STXBP5: variants seen among roughly 807,000 people sequenced by gnomAD.
STXBP5 encodes syntaxin binding protein 5.
In STXBP5, 50 loss-of-function variants were observed where a neutral mutation model predicts 152.4. The ratio of observed to expected loss-of-function variants is 0.33; its 90% confidence interval spans 0.26 to 0.42. The LOEUF is 0.42. Ranked by LOEUF, STXBP5 falls within the 10% of genes least tolerant of loss-of-function variation. The pLI, the probability that STXBP5 is intolerant of heterozygous loss-of-function variation, is 1.00. For missense variants in STXBP5, 1,167 were observed against 1,388.6 expected (o/e 0.84, Z 2.54); for synonymous variants, 492 against 494.7 (o/e 0.99, Z 0.07).
Position 147,353,374 on chromosome 6 carries a change from G to T in STXBP5, c.2305+1G>T. 1.3e-6 allele frequency: 2 copies of T among 1,563,090 alleles called. No homozygotes were observed. Among genetic ancestry groups the T allele is most frequent in the Non-Finnish European group, 1.7e-6 (2 of 1,154,104 alleles). ...CCTACTGACCTAAAGCCTGATTTAG[G>T]TAAGTAAAATAAATATTCAAAATAA... On this transcript the variant is annotated splice_donor_variant, in intron 22 of 27. Transcript: ENST00000321680. LOFTEE classifies it high-confidence loss of function.
At chr6:147,218,001 CATG>C (rs1347015747) in intron 2 of STXBP5, among the ~76,000 whole-genome samples, 2 of 152,004 alleles carry the variant, frequency 1.3e-5, no homozygotes. Flanking sequence ...CTACTCTTAT[CATG>C]ATGATGTGGC....
intron 4 of STXBP5, among the ~76,000 whole-genome samples, chr6:147,258,162 C>T (rs777056303): frequency 6.6e-5 from 10 of 152,298 alleles, no homozygotes; most frequent in Admixed American, 1.3e-4. Flanking sequence ...GCAAGCCACA[C>T]GATCAATCCT....
chr6:147,373,023 A>G (rs1400008661), intron 25 of STXBP5, among the ~76,000 whole-genome samples: 2 of 152,180 alleles, frequency 1.3e-5, no homozygotes, highest in Non-Finnish European at 2.9e-5. Flanking sequence ...TTATAATTCC[A>G]AAACTACATA....
At chr6:147,207,594 T>C (rs1776636948) in intron 2 of STXBP5, among the ~76,000 whole-genome samples, 1 of 152,190 alleles carries the variant, frequency 6.6e-6, no homozygotes, top group Non-Finnish European at 1.5e-5. Flanking sequence ...GTGTGGGCCC[T>C]GAGTGTTCAG....
chr6:147,243,902 T>A (rs1470596727), intron 4 of STXBP5, among the ~76,000 whole-genome samples: 1 of 152,094 alleles, frequency 6.6e-6, no homozygotes. Context: ...CAGGGAGCAA[T>A]TTACTGTATT....
intron 27 of STXBP5, among the ~76,000 whole-genome samples, chr6:147,384,312 A>T (rs901524028): frequency 6.6e-6 from 1 of 152,142 alleles, no homozygotes; most frequent in African/African-American, 2.4e-5. Context: ...AAGTAGGAAA[A>T]GTGTGTCATG....
chr6:147,367,598 A>C (rs1283874332), intron 25 of STXBP5, among the ~76,000 whole-genome samples: 1 of 152,180 alleles, frequency 6.6e-6, no homozygotes, highest in Non-Finnish European at 1.5e-5. Context: ...AGATCACGCC[A>C]CTACACTCCA....
chr6:147,354,090 G>A (rs1474095378), intron 22 of STXBP5, among the ~76,000 whole-genome samples: 1 of 152,034 alleles, frequency 6.6e-6, no homozygotes, highest in Non-Finnish European at 1.5e-5. Flanking sequence ...GATTGTGTAA[G>A]GATGATTTCA....
intron 25 of STXBP5, among the ~76,000 whole-genome samples, chr6:147,369,282 G>T (rs937982135): frequency 6.6e-6 from 1 of 151,934 alleles, no homozygotes; most frequent in Non-Finnish European, 1.5e-5. Context: ...AAAAAAATCA[G>T]CTTTGATCCA....
intron 4 of STXBP5, among the ~76,000 whole-genome samples, chr6:147,239,943 T>TC (rs1778455018): frequency 6.6e-6 from 1 of 151,424 alleles, no homozygotes; most frequent in East Asian, 1.9e-4. Flanking sequence ...TTTGTGGTAC[T>TC]CTTTTTTTTT....
chr6:147,363,089 T>A (rs540344209), intron 23 of STXBP5, among the ~76,000 whole-genome samples: 1 of 152,344 alleles, frequency 6.6e-6, no homozygotes, highest in South Asian at 2.1e-4. Context: ...TTGCAAAATT[T>A]ATCATATGTA....
rs775852325 is a variant in STXBP5 at position 147,359,351 on chromosome 6, A to T, written c.2545+28A>T. ...ATGTATTGCTGCTGCACTTAGAGTT[A>T]CATTACAGGTGTGATTTACTATGAT... On this transcript the variant is annotated intron_variant, in intron 23 of 27. Coordinates refer to ENST00000321680, the MANE Select transcript of STXBP5 (RefSeq NM_001127715.4). The T allele has an allele frequency of 3.1e-6, 5 of 1,598,156 alleles. No individual in the cohort carries two copies. In the African/African-American group the frequency reaches 6.7e-5, roughly 21 times the overall value.
Position 147,373,721 on chromosome 6 carries a change from G to T in STXBP5, c.3082-10G>T. On this transcript the variant is annotated splice_polypyrimidine_tract_variant and intron_variant, in intron 25 of 27. Coordinates refer to ENST00000321680, the MANE Select transcript of STXBP5 (RefSeq NM_001127715.4). ...AATTTCAACAGTGACAATTTGTTTT[G>T]ATTTTAAAGGAAATGTTGGGTGAAC... is the stretch of plus-strand genomic sequence containing the variant. 6.2e-7 allele frequency: 1 copy of T among 1,603,040 alleles called. No homozygotes were observed. The highest frequency in any genetic ancestry group is 8.5e-7 in the Non-Finnish European group (1 of 1,171,836).
chr6:147,301,269 A>G (rs957043277), intron 9 of STXBP5, among the ~76,000 whole-genome samples: 4 of 152,166 alleles, frequency 2.6e-5, no homozygotes, highest in Admixed American at 1.3e-4. Flanking sequence ...TAGAACTACC[A>G]TATGATCCAA....
chr6:147,299,906 A>C (rs150005532), intron 9 of STXBP5, among the ~76,000 whole-genome samples: 91 of 152,182 alleles, frequency 6.0e-4, no homozygotes, highest in Admixed American at 1.8e-3. Flanking sequence ...CGTTTTATTT[A>C]TATAGAAAAT....
At chr6:147,220,282 T>G in intron 2 of STXBP5, among the ~76,000 whole-genome samples, 1 of 152,170 alleles carries the variant, frequency 6.6e-6, no homozygotes, top group East Asian at 1.9e-4. Flanking sequence ...AGGTATATTT[T>G]ATGGCCCAGA....
At chr6:147,383,737 T>G (rs1182936117) in intron 27 of STXBP5, among the ~76,000 whole-genome samples, 1 of 152,038 alleles carries the variant, frequency 6.6e-6, no homozygotes, top group African/African-American at 2.4e-5. Flanking sequence ...TAAGGTTGTT[T>G]TTATATTTGA....
At chr6:147,282,349 C>T (rs1379272701) in intron 8 of STXBP5, among the ~76,000 whole-genome samples, 1 of 152,114 alleles carries the variant, frequency 6.6e-6, no homozygotes. Context: ...GGTGATAGGT[C>T]CCTTTAATCT....
At chr6:147,285,881 TAAAAC>T (rs950621602) in intron 8 of STXBP5, among the ~76,000 whole-genome samples, 2 of 152,202 alleles carry the variant, frequency 1.3e-5, no homozygotes, top group Non-Finnish European at 2.9e-5. Flanking sequence ...TTTCACTTCA[TAAAAC>T]AAAATCATGT....
Sources: allele counts gnomAD v4.1 joint callset (sites outside exome capture counted in the v4.1 genomes callset), GRCh38; gene constraint gnomAD v4.1.1; transcripts MANE v1.5; gene names NCBI Gene and HGNC (gene_info 2026-07-23, HGNC 2026-07-21).